BRIP1: variants seen among roughly 807,000 people sequenced by gnomAD.
BRIP1 encodes the protein Fanconi anemia group J protein.
In BRIP1, 88 loss-of-function variants were observed where a neutral mutation model predicts 119.7. The observed-to-expected ratio is 0.74, with a 90% CI of 0.62 to 0.88. The LOEUF (loss-of-function observed/expected upper bound fraction) is 0.88. Ranked by LOEUF, BRIP1 falls within the 40% of genes least tolerant of loss-of-function variation. The pLI is 0.00. For synonymous variants in BRIP1, 443 were observed against 496.5 expected, an observed-to-expected ratio of 0.89 and a Z score of 1.43; for missense variants, 1,259 against 1,455.4, an observed-to-expected ratio of 0.87 and a Z score of 2.20.
chr17:61,783,686 C>T (rs2077658340), intron 11 of BRIP1: 2 of 151,858 alleles, frequency 1.3e-5, no homozygotes, highest in African/African-American at 4.8e-5. Flanking sequence ...GACTTTCTGA[C>T]ACTGTAGGAA....
rs567797791 is a variant in BRIP1, at chr17:61,713,524, ATTT to A, written c.2492+2424_2492+2426del. Among the ~76,000 whole-genome samples the A allele has an allele frequency of 7.0e-6, 1 of 142,234 alleles. No individual in the cohort carries two copies. The allele number at this position is 142,234 out of a possible 152,430, so 93.3% of individuals were successfully genotyped here. A position where few individuals can be genotyped will look rare whatever the true frequency, so the allele number is the denominator to read the frequency against. On this transcript the variant is annotated intron_variant, in intron 17 of 19. Transcript: ENST00000259008. The surrounding 1 kb of genome is among the most constrained non-coding windows in gnomAD (Gnocchi z 4.9). Reference sequence around the variant, plus strand: ...ATACTACATGAGTGTTTATGTCTTCATTTTTTTTTTTTTTTGAGATGGAGTCTC... The same window carrying A: ...ATACTACATGAGTGTTTATGTCTTCATTTTTTTTTTTTGAGATGGAGTCTC...
chr17:61,688,117 C>T (rs1274040579), intron 18 of BRIP1, among the ~76,000 whole-genome samples: 1 of 152,192 alleles, frequency 6.6e-6, no homozygotes, highest in Non-Finnish European at 1.5e-5. Flanking sequence ...GGACTCGTTT[C>T]TGTCTTGCTT....
At chr17:61,719,504 C>T (rs1473890200) in intron 16 of BRIP1, among the ~76,000 whole-genome samples, 1 of 151,992 alleles carries the variant, frequency 6.6e-6, no homozygotes, top group Non-Finnish European at 1.5e-5. Context: ...GCGGGTGGAT[C>T]ACAAGGTCAG....
At position 61,794,503 on chromosome 17, in the gene BRIP1, G is replaced by C. The variant is rs2077869378; in HGVS notation, c.1341-774C>G. On this transcript the variant is annotated intron_variant, in intron 9 of 19. Transcript: ENST00000259008. The surrounding 1 kb of genome is among the most constrained non-coding windows in gnomAD (Gnocchi z 4.3). Reference sequence around the variant, plus strand: ...CTAAATGATGAGACCACATGGACAAGAGGGGAACAGCACATACTGGGGCCT... The same window carrying C: ...CTAAATGATGAGACCACATGGACAACAGGGGAACAGCACATACTGGGGCCT... Among the ~76,000 whole-genome samples, 1 of 152,006 alleles carries C rather than the reference G, an allele frequency of 6.6e-6. No individual in the cohort carries two copies. Among genetic ancestry groups the C allele is most frequent in the South Asian group, 2.1e-4 (1 of 4,822 alleles).
At chr17:61,784,193 G>GT in intron 11 of BRIP1, 77 bp downstream of exon 11, 1 of 1,285,356 alleles carries the variant, frequency 7.8e-7, no homozygotes, top group South Asian at 1.3e-5. Flanking sequence ...CCCAAAATAG[G>GT]TATGTATTAA....
rs2061248480 is a variant in BRIP1 at position 61,679,305 on chromosome 17, C to A, written c.*3991G>T. Among the ~76,000 whole-genome samples, 1 of 152,142 alleles carries A rather than the reference C, an allele frequency of 6.6e-6. No homozygotes were observed. Among genetic ancestry groups the A allele is most frequent in the South Asian group, 2.1e-4 (1 of 4,824 alleles). On this transcript the variant is annotated 3_prime_UTR_variant, in exon 20 of 20. Coordinates refer to ENST00000259008, the MANE Select transcript of BRIP1 (RefSeq NM_032043.3). The surrounding 1 kb of genome is among the most constrained non-coding windows in gnomAD (Gnocchi z 4.4). ...TGCCAAATTTAAACCCATGTAATAA[C>A]TAAGTGCATAGAAACATAGTAATAG...
In BRIP1 at chr17:61,751,361, TAC is replaced by T. The variant is rs1257277011; in HGVS notation, c.2098-6772_2098-6771del. ...TAAACAGGAGTCATTGTTCCATCAG[TAC>T]AGTTTCTGACTGGGATGATTGAAAA... On this transcript the variant is annotated intron_variant, in intron 14 of 19. Coordinates refer to ENST00000259008, the MANE Select transcript of BRIP1 (RefSeq NM_032043.3). The surrounding 1 kb of genome is among the most constrained non-coding windows in gnomAD (Gnocchi z 6.7). Among the ~76,000 whole-genome samples, 2 of 152,204 alleles carry T rather than the reference TAC, an allele frequency of 1.3e-5. No individual in the cohort carries two copies. The highest frequency in any genetic ancestry group is 4.8e-5 in the African/African-American group (2 of 41,460).
rs1318491866 is a variant in BRIP1 at position 61,811,717 on chromosome 17, C to T, written c.628-2960G>A. 4.0e-5 allele frequency among the ~76,000 whole-genome samples: 6 copies of T among 151,440 alleles called. No homozygotes were observed. The South Asian group carries it at 6.3e-4, about 16-fold the overall frequency. On this transcript the variant is annotated intron_variant, in intron 6 of 19. Coordinates refer to ENST00000259008, the MANE Select transcript of BRIP1 (RefSeq NM_032043.3). Reference sequence around the variant, plus strand: ...CTGTAATCCCAGCACTCTGGGAGGCCGAGGCACGTGGATTGCTTTGGGTCA... The same window carrying T: ...CTGTAATCCCAGCACTCTGGGAGGCTGAGGCACGTGGATTGCTTTGGGTCA...
At position 61,708,707 on chromosome 17, in the gene BRIP1, G is replaced by C. The variant is rs940093563; in HGVS notation, c.2492+7244C>G. Among the ~76,000 whole-genome samples, 1 of 152,176 alleles carries C rather than the reference G, an allele frequency of 6.6e-6. No individual in the cohort carries two copies. Among genetic ancestry groups the C allele is most frequent in the African/African-American group, 2.4e-5 (1 of 41,440 alleles). ...GTGAAGACTCTGCACTTACTTAAGA[G>C]TAAGGCACTAAAACACTGATTGGCA... is the stretch of plus-strand genomic sequence containing the variant. On this transcript the variant is annotated intron_variant, in intron 17 of 19. Coordinates refer to ENST00000259008, the MANE Select transcript of BRIP1 (RefSeq NM_032043.3). This position sits in a 1 kb window ranked among gnomAD's most constrained non-coding sequence, Gnocchi z 4.4.
Position 61,857,353 on chromosome 17 carries a change from C to T in BRIP1, c.206-122G>A. 3 of 856,378 alleles carry T rather than the reference C, an allele frequency of 3.5e-6. No individual in the cohort carries two copies. Among genetic ancestry groups the T allele is most frequent in the African/African-American group, 1.7e-5 (1 of 58,680 alleles). The allele number at this position is 856,378 out of a possible 1,614,324, so 53.0% of individuals were successfully genotyped here. On this transcript the variant is annotated intron_variant, in intron 3 of 19. Transcript: ENST00000259008. This position sits in a 1 kb window ranked among gnomAD's most constrained non-coding sequence, Gnocchi z 5.1. ...AGATAAAAGATTTTTAGGGCTAACA[C>T]CAGGAAGGTACCTGGCAAACCTGGA...
At chr17:61,786,192 GTGAGC>G (rs1308716580) in intron 10 of BRIP1, among the ~76,000 whole-genome samples, 1 of 151,906 alleles carries the variant, frequency 6.6e-6, no homozygotes, top group African/African-American at 2.4e-5. Flanking sequence ...GAGCGCATGA[GTGAGC>G]GTGTGTGTGT....
chr17:61,787,090 T>C (rs1336169190), intron 10 of BRIP1, among the ~76,000 whole-genome samples: 16 of 113,784 alleles, frequency 1.4e-4, no homozygotes, highest in Non-Finnish European at 2.4e-4. Flanking sequence ...ATATTGCATG[T>C]TTATGTATTA....
In BRIP1 at chr17:61,795,334, T is replaced by C. The variant is rs548335640; in HGVS notation, c.1341-1605A>G. Among the ~76,000 whole-genome samples, 39 of 152,036 alleles carry C rather than the reference T, an allele frequency of 2.6e-4. No homozygotes were observed. Among genetic ancestry groups the C allele is most frequent in the Non-Finnish European group, 4.9e-4 (33 of 67,962 alleles). On this transcript the variant is annotated intron_variant, in intron 9 of 19. Transcript: ENST00000259008. The surrounding 1 kb of genome is among the most constrained non-coding windows in gnomAD (Gnocchi z 5.6). ...TTGTGCTATCAAATACTAGGCCTTA[T>C]TCATTCATTCTATTTTTCTTTTTTT...
chr17:61,827,751 T>C lies in BRIP1; in HGVS notation c.628-18994A>G, dbSNP rs1189407921. Among the ~76,000 whole-genome samples, 1 of 152,094 alleles carries C rather than the reference T, an allele frequency of 6.6e-6. No homozygotes were observed. ...CTCAAAAAAGGGCAAAGGACTTGAATAGACATTTCTCCAAAGAAAATACAC... is the reference window on the plus strand; with the variant it reads ...CTCAAAAAAGGGCAAAGGACTTGAACAGACATTTCTCCAAAGAAAATACAC... On this transcript the variant is annotated intron_variant, in intron 6 of 19. Coordinates refer to ENST00000259008, the MANE Select transcript of BRIP1 (RefSeq NM_032043.3). This position sits in a 1 kb window ranked among gnomAD's most constrained non-coding sequence, Gnocchi z 5.8.
rs761470049 is a variant in BRIP1 at position 61,709,286 on chromosome 17, G to A, written c.2492+6665C>T. On this transcript the variant is annotated intron_variant, in intron 17 of 19. Coordinates refer to ENST00000259008, the MANE Select transcript of BRIP1 (RefSeq NM_032043.3). This position sits in a 1 kb window ranked among gnomAD's most constrained non-coding sequence, Gnocchi z 5.0. The stretch of plus-strand genomic sequence containing the variant: ...CAAAATGTGTTGATATCGCTTGTCT[G>A]TCACTGTCTCCTCTCTCTCTTTGTA... 6.6e-6 allele frequency among the ~76,000 whole-genome samples: 1 copy of A among 152,074 alleles called. No homozygotes were observed. The highest frequency in any genetic ancestry group is 1.5e-5 in the Non-Finnish European group (1 of 68,014).
chr17:61,794,820 C>T lies in BRIP1; in HGVS notation c.1341-1091G>A, dbSNP rs1264246057. On this transcript the variant is annotated intron_variant, in intron 9 of 19. Transcript: ENST00000259008. This position sits in a 1 kb window ranked among gnomAD's most constrained non-coding sequence, Gnocchi z 4.3. ...GTCAAGAATGCTCTCCCTGAGGTGA[C>T]ATTTATTCTAATAACTGAATGCAAA... Among the ~76,000 whole-genome samples, 1 of 151,630 alleles carries T rather than the reference C, an allele frequency of 6.6e-6. No homozygotes were observed. Among genetic ancestry groups the T allele is most frequent in the Admixed American group, 6.6e-5 (1 of 15,170 alleles).
intron 6 of BRIP1, among the ~76,000 whole-genome samples, chr17:61,812,553 A>G (rs1246322517): frequency 6.6e-6 from 1 of 152,066 alleles, no homozygotes; most frequent in Non-Finnish European, 1.5e-5. Context: ...TTTTACTTCA[A>G]GAAAAGGCAA....
Position 61,745,718 on chromosome 17 carries a change from G to A in BRIP1, c.2098-1127C>T, listed in dbSNP as rs2077049534. On this transcript the variant is annotated intron_variant, in intron 14 of 19. Coordinates refer to ENST00000259008, the MANE Select transcript of BRIP1 (RefSeq NM_032043.3). The surrounding 1 kb of genome is among the most constrained non-coding windows in gnomAD (Gnocchi z 4.4). ...ATATGAGTTAAATAGAAAAAACACA[G>A]TATAACTCATGAAATCTTTAGTTAT... 6.6e-6 allele frequency among the ~76,000 whole-genome samples: 1 copy of A among 152,072 alleles called. No individual in the cohort carries two copies. Among genetic ancestry groups the A allele is most frequent in the Non-Finnish European group, 1.5e-5 (1 of 68,024 alleles).
chr17:61,850,783 G>A (rs1031157976), intron 4 of BRIP1, among the ~76,000 whole-genome samples: 4 of 151,484 alleles, frequency 2.6e-5, no homozygotes, highest in Non-Finnish European at 4.4e-5. Flanking sequence ...AGCTGAGATC[G>A]CGCCATGCAC....
Sources: gnomAD v4.1 joint callset for allele counts (sites outside exome capture counted in the v4.1 genomes callset) on GRCh38, gnomAD v4.1.1 for gene constraint, Gnocchi (gnomAD v3.1) non-coding constraint, MANE v1.5 for transcripts, NCBI Gene and HGNC (gene_info 2026-07-23, HGNC 2026-07-21) for gene names.